LEPR: variants seen among roughly 807,000 people sequenced by gnomAD.
LEPR encodes the protein leptin receptor, also known as OB receptor.
LEPR carries 56 observed loss-of-function variants against 114.7 expected under a neutral mutation model. That is an observed-to-expected ratio of 0.49 (90% CI 0.39 to 0.61). The LOEUF (loss-of-function observed/expected upper bound fraction) is 0.61. Among genes scored for constraint, LEPR ranks in the 20% least tolerant of loss-of-function variants. The probability of loss-of-function intolerance (pLI) is 0.00; values close to 1 mark genes in which losing one functional copy is unlikely to be tolerated. For synonymous variants in LEPR, 443 were observed against 461.4 expected, an observed-to-expected ratio of 0.96 and a Z score of 0.51; for missense variants, 1,202 against 1,352.9, an observed-to-expected ratio of 0.89 and a Z score of 1.75.
intron 2 of LEPR, 92 bp from the exon 3 acceptor site, chr1:65,565,454 T>G: frequency 8.1e-7 from 1 of 1,235,888 alleles, no homozygotes; most frequent in Non-Finnish European, 1.2e-6. Context: ...GACTTATCTA[T>G]AATCCCTTTC....
At chr1:65,598,864 G>A in intron 8 of LEPR, 60 bp downstream of exon 8, 3 of 1,609,234 alleles carry the variant, frequency 1.9e-6, no homozygotes, top group Non-Finnish European at 2.5e-6. Flanking sequence ...ACTTGCCTTT[G>A]TATAGTATAA....
At chr1:65,540,669 T>C (rs1044919696) in intron 2 of LEPR, among the ~76,000 whole-genome samples, 23 of 152,200 alleles carry the variant, frequency 1.5e-4, no homozygotes, top group African/African-American at 5.5e-4. Flanking sequence ...GTCTCAGATA[T>C]TCCTTTTTAA....
At chr1:65,438,727 C>T (rs1646601895) in intron 2 of LEPR, among the ~76,000 whole-genome samples, 1 of 151,836 alleles carries the variant, frequency 6.6e-6, no homozygotes, top group Admixed American at 6.6e-5. Flanking sequence ...TTTTTCTACT[C>T]TGTGTTTCTT....
intron 2 of LEPR, among the ~76,000 whole-genome samples, chr1:65,485,944 C>A (rs920157130): frequency 6.6e-6 from 1 of 152,060 alleles, no homozygotes; most frequent in Non-Finnish European, 1.5e-5. Flanking sequence ...GAACACCATT[C>A]CCCAAAGCTC....
chr1:65,530,091 G>T (rs1413263106), intron 2 of LEPR, among the ~76,000 whole-genome samples: 1 of 152,112 alleles, frequency 6.6e-6, no homozygotes, highest in African/African-American at 2.4e-5. Flanking sequence ...TGTCTAGTAG[G>T]CATCTCCAGT....
chr1:65,548,702 C>A (rs1016335676), intron 2 of LEPR, among the ~76,000 whole-genome samples: 1 of 152,008 alleles, frequency 6.6e-6, no homozygotes, highest in African/African-American at 2.4e-5. Flanking sequence ...CTATGTGTGT[C>A]TCTGCATGTG....
At chr1:65,470,410 A>G (rs1404617507) in intron 2 of LEPR, among the ~76,000 whole-genome samples, 1 of 152,210 alleles carries the variant, frequency 6.6e-6, no homozygotes, top group Non-Finnish European at 1.5e-5. Context: ...GTTGAAGTTG[A>G]TATTTTGTAA....
At chr1:65,606,981 C>A (rs1656854358) in intron 11 of LEPR, among the ~76,000 whole-genome samples, 2 of 152,078 alleles carry the variant, frequency 1.3e-5, no homozygotes, top group Non-Finnish European at 2.9e-5. Flanking sequence ...TGGTTTTTGG[C>A]AAGTGAGACT....
Position 65,639,666 on chromosome 1 carries a change from A to G in LEPR, c.*2651A>G, listed in dbSNP as rs1425687421. The G allele has an allele frequency of 6.6e-6, 1 of 152,210 alleles. No homozygotes were observed. Among genetic ancestry groups the G allele is most frequent in the Non-Finnish European group, 1.5e-5 (1 of 68,022 alleles). The allele number at this position is 152,210 out of a possible 1,614,324, so 9.4% of individuals were successfully genotyped here. A position where few individuals can be genotyped will look rare whatever the true frequency, so the allele number is the denominator to read the frequency against. ...AACTTATAAATCTGGAATTTTTAAT[A>G]TTTCATTTTAAGGCCTTAAACCGAA... On this transcript the variant is annotated 3_prime_UTR_variant, in exon 20 of 20. Coordinates refer to ENST00000349533, the MANE Select transcript of LEPR (RefSeq NM_002303.6).
At chr1:65,519,309 C>A (rs761236023) in intron 2 of LEPR, among the ~76,000 whole-genome samples, 1 of 151,810 alleles carries the variant, frequency 6.6e-6, no homozygotes, top group African/African-American at 2.4e-5. Flanking sequence ...ACCACCACAC[C>A]CTGCTAATTT....
chr1:65,512,963 A>G (rs1371698555), intron 2 of LEPR, among the ~76,000 whole-genome samples: 2 of 152,222 alleles, frequency 1.3e-5, no homozygotes, highest in Admixed American at 6.5e-5. Context: ...CCTGGCTACT[A>G]GCAGCTGCAG....
chr1:65,483,474 C>T (rs575973424), intron 2 of LEPR, among the ~76,000 whole-genome samples: 2 of 152,258 alleles, frequency 1.3e-5, no homozygotes, highest in African/African-American at 2.4e-5. Flanking sequence ...TAAGGCCTGT[C>T]TCCTAAGTTT....
At chr1:65,529,502 C>CA (rs1650228450) in intron 2 of LEPR, among the ~76,000 whole-genome samples, 1 of 120,214 alleles carries the variant, frequency 8.3e-6, no homozygotes, top group African/African-American at 3.2e-5. Flanking sequence ...GCCTGGGAGA[C>CA]GAGTGAGACT....
chr1:65,567,172 A>G (rs1653825487), intron 3 of LEPR, among the ~76,000 whole-genome samples: 4 of 152,192 alleles, frequency 2.6e-5, no homozygotes, highest in Admixed American at 2.6e-4. Flanking sequence ...AGGGAAAGAA[A>G]TATCATTTGC....
At chr1:65,502,412 G>A (rs1289795281) in intron 2 of LEPR, among the ~76,000 whole-genome samples, 1 of 150,562 alleles carries the variant, frequency 6.6e-6, no homozygotes, top group Non-Finnish European at 1.5e-5. Context: ...CATTTCTGAT[G>A]TTTAAGCCAC....
At chr1:65,631,211 C>T (rs1658505296) in intron 19 of LEPR, among the ~76,000 whole-genome samples, 1 of 152,084 alleles carries the variant, frequency 6.6e-6, no homozygotes, top group Admixed American at 6.6e-5. Context: ...AGAACAAACC[C>T]TCAGTCTGGT....
At chr1:65,478,370 C>T (rs1032160751) in intron 2 of LEPR, among the ~76,000 whole-genome samples, 2 of 152,118 alleles carry the variant, frequency 1.3e-5, no homozygotes, top group Non-Finnish European at 2.9e-5. Context: ...TAAAAGGCTG[C>T]CATGTTTTCT....
chr1:65,603,856 AT>A (rs1656627151), intron 10 of LEPR, among the ~76,000 whole-genome samples: 1 of 151,938 alleles, frequency 6.6e-6, no homozygotes, highest in Non-Finnish European at 1.5e-5. Context: ...CACTTATAAA[AT>A]TTTTTTTAAA....
At chr1:65,488,515 G>A (rs1647699063) in intron 2 of LEPR, among the ~76,000 whole-genome samples, 1 of 151,006 alleles carries the variant, frequency 6.6e-6, no homozygotes, top group South Asian at 2.1e-4. Flanking sequence ...TATTTTTTGA[G>A]ACAGGGTTTT....
Sources: allele counts gnomAD v4.1 joint callset (sites outside exome capture counted in the v4.1 genomes callset), GRCh38; gene constraint gnomAD v4.1.1; transcripts MANE v1.5; gene names NCBI Gene and HGNC (gene_info 2026-07-23, HGNC 2026-07-21).